Variants in RNF157 observed in about 807,000 individuals in gnomAD.
The protein encoded by RNF157 is E3 ubiquitin ligase RNF157.
A neutral mutation model predicts 88.3 loss-of-function variants in RNF157; 55 were observed. The ratio of observed to expected loss-of-function variants is 0.62; its 90% CI spans 0.50 to 0.78. The LOEUF (loss-of-function observed/expected upper bound fraction) is 0.78. RNF157 is among the 30% of genes least tolerant of loss of function. RNF157 has a pLI of 0.00. For synonymous variants in RNF157, 334 were observed against 341.2 expected (o/e 0.98, Z 0.23); for missense variants, 788 against 860.8 (o/e 0.92, Z 1.06).
chr17:76,196,749 C>A (rs1220387704), intron 2 of RNF157, among the ~76,000 whole-genome samples: 2 of 152,132 alleles, frequency 1.3e-5, no homozygotes, highest in Non-Finnish European at 2.9e-5. Flanking sequence ...ACCAGAGCCA[C>A]CTGATCCAAG....
chr17:76,221,956 A>G (rs2069990631), intron 1 of RNF157, among the ~76,000 whole-genome samples: 1 of 152,242 alleles, frequency 6.6e-6, no homozygotes, highest in Non-Finnish European at 1.5e-5. Context: ...TGTATATGAA[A>G]TATCCAGATA....
At chr17:76,189,505 G>A (rs564723263) in intron 2 of RNF157, among the ~76,000 whole-genome samples, 1 of 152,152 alleles carries the variant, frequency 6.6e-6, no homozygotes, top group Non-Finnish European at 1.5e-5. Flanking sequence ...CCATAACAGC[G>A]ACCTCAAAAG....
chr17:76,227,385 TG>T (rs2070111039), intron 1 of RNF157, among the ~76,000 whole-genome samples: 1 of 151,596 alleles, frequency 6.6e-6, no homozygotes, highest in African/African-American at 2.4e-5. Context: ...CTTCCCAAAC[TG>T]CTGGGATTAC....
chr17:76,222,541 A>T (rs1401335046), intron 1 of RNF157, among the ~76,000 whole-genome samples: 1 of 152,132 alleles, frequency 6.6e-6, no homozygotes, highest in African/African-American at 2.4e-5. Flanking sequence ...TTTTATTTTA[A>T]CTTCCAAGCA....
At chr17:76,158,337 T>C (rs2068796321) in intron 13 of RNF157, 56 bp downstream of exon 13, 1 of 1,160,004 alleles carries the variant, frequency 8.6e-7, no homozygotes, top group Non-Finnish European at 1.3e-6. Flanking sequence ...GGCATGCAGG[T>C]AGGAGGGAAG....
In RNF157 at chr17:76,142,935, G is replaced by A. The variant is rs2144771176; in HGVS notation, c.*2300C>T. On this transcript the variant is annotated 3_prime_UTR_variant, in exon 19 of 19. Transcript: ENST00000269391. Reference sequence around the variant, plus strand: ...AGGCTGTGCCCTGTGGGAGAAGCCAGGCCCCACCTCTTCTCTTTGGGTGAA... The same window carrying A: ...AGGCTGTGCCCTGTGGGAGAAGCCAAGCCCCACCTCTTCTCTTTGGGTGAA... 1 of 152,538 alleles carries A rather than the reference G, an allele frequency of 6.6e-6. No individual in the cohort carries two copies. The highest frequency in any genetic ancestry group is 2.1e-4 in the South Asian group (1 of 4,830). The allele number at this position is 152,538 out of a possible 1,614,324, so 9.4% of individuals were successfully genotyped here.
chr17:76,237,188 T>C (rs1485693523), intron 1 of RNF157, among the ~76,000 whole-genome samples: 2 of 152,364 alleles, frequency 1.3e-5, no homozygotes, highest in East Asian at 3.9e-4. Context: ...CCATTCTTGA[T>C]AGGATTTAAA....
At position 76,143,224 on chromosome 17, in the gene RNF157, C is replaced by G. The variant is rs972538184; in HGVS notation, c.*2011G>C. The G allele has an allele frequency of 1.9e-4, 29 of 152,268 alleles. No individual in the cohort carries two copies. Among genetic ancestry groups the G allele is most frequent in the African/African-American group, 6.8e-4 (28 of 41,432 alleles). The allele number at this position is 152,268 out of a possible 1,614,324, so 9.4% of individuals were successfully genotyped here. ...CCTTGAGGAATCTTTCCGTGCTTCT[C>G]CCTAGGAGAGGACTAAGCACCTGCT... On this transcript the variant is annotated 3_prime_UTR_variant, in exon 19 of 19. Transcript: ENST00000269391.
intron 1 of RNF157, among the ~76,000 whole-genome samples, chr17:76,227,035 G>C (rs973528310): frequency 7.2e-5 from 11 of 152,172 alleles, no homozygotes; most frequent in African/African-American, 2.7e-4. Flanking sequence ...GGGGAGGAGG[G>C]AAGGCGTGCA....
intron 1 of RNF157, among the ~76,000 whole-genome samples, chr17:76,220,716 T>C (rs2069967839): frequency 1.3e-5 from 2 of 151,996 alleles, no homozygotes; most frequent in South Asian, 4.1e-4. Context: ...TCCCAACACT[T>C]TGGGAGGCCG....
intron 1 of RNF157, among the ~76,000 whole-genome samples, chr17:76,225,321 C>G (rs1258877455): frequency 2.6e-5 from 4 of 152,004 alleles, no homozygotes; most frequent in African/African-American, 7.2e-5. Context: ...TCCATCTCCA[C>G]AAAAAGAAAA....
chr17:76,196,696 T>C (rs2069483396), intron 2 of RNF157, among the ~76,000 whole-genome samples: 1 of 152,254 alleles, frequency 6.6e-6, no homozygotes, highest in African/African-American at 2.4e-5. Flanking sequence ...TGGAGAGTTT[T>C]GGCTACAAAC....
Position 76,240,237 on chromosome 17 carries a change from C to T in RNF157, c.4G>A (p.Gly2Arg). The T allele has an allele frequency of 7.5e-7, 1 of 1,329,844 alleles. No individual in the cohort carries two copies. The allele number at this position is 1,329,844 out of a possible 1,614,324, so 82.4% of individuals were successfully genotyped here. The change falls in exon 1 of 19, where the codon GGG becomes AGG. Residue 2 changes from glycine to arginine, a missense_variant. By Grantham distance (125) the Gly-to-Arg change is moderately radical (BLOSUM62 -2). Transcript: ENST00000269391. The surrounding 1 kb of genome is among the most constrained non-coding windows in gnomAD (Gnocchi z 4.4). M[G>R]ALTSRQHAGV... ...GCGTGCTGCCGGCTCGTCAGGGCCC[C>T]CATGGCCGCTGCGGCTGCAGCCCCG...
At chr17:76,200,915 T>C (rs573952784) in intron 2 of RNF157, among the ~76,000 whole-genome samples, 92 of 152,230 alleles carry the variant, frequency 6.0e-4, no homozygotes, top group African/African-American at 2.0e-3. Flanking sequence ...CTCCTCCCCA[T>C]GCTTACTCTG....
chr17:76,204,672 A>G (rs2069647650), intron 2 of RNF157, among the ~76,000 whole-genome samples: 1 of 152,220 alleles, frequency 6.6e-6, no homozygotes. Context: ...ACATATGATA[A>G]TAGGGTTCAA....
intron 2 of RNF157, among the ~76,000 whole-genome samples, chr17:76,208,457 T>C (rs1176773615): frequency 3.9e-5 from 6 of 152,310 alleles, no homozygotes; most frequent in African/African-American, 1.4e-4. Context: ...GAGGACCTTT[T>C]TCATCATGAT....
intron 1 of RNF157, among the ~76,000 whole-genome samples, chr17:76,213,442 C>T (rs928734452): frequency 3.3e-5 from 5 of 151,836 alleles, no homozygotes; most frequent in African/African-American, 7.3e-5. Context: ...TGGTGGCATG[C>T]GCCTGAAGTC....
chr17:76,150,023 A>G (rs1455603750), intron 18 of RNF157, among the ~76,000 whole-genome samples: 1 of 152,114 alleles, frequency 6.6e-6, no homozygotes, highest in Non-Finnish European at 1.5e-5. Flanking sequence ...ACAGAGCGAG[A>G]CTCTGTCTCA....
intron 2 of RNF157, among the ~76,000 whole-genome samples, chr17:76,178,392 C>T (rs546016193): frequency 3.3e-5 from 5 of 152,380 alleles, no homozygotes; most frequent in African/African-American, 1.2e-4. Context: ...GCTGCCAGCC[C>T]CACAGCGGCA....
Sources: allele counts gnomAD v4.1 joint callset (sites outside exome capture counted in the v4.1 genomes callset), GRCh38; gene constraint gnomAD v4.1.1; non-coding constraint Gnocchi (gnomAD v3.1); transcripts MANE v1.5; gene names NCBI Gene and HGNC (gene_info 2026-07-23, HGNC 2026-07-21).